The following CHGA variants were observed in gnomAD, a reference collection of about 807,000 sequenced individuals.
CHGA encodes chromogranin-A.
Under a neutral mutation model 54.4 loss-of-function variants are expected in CHGA, and 41 were observed. The ratio of observed to expected loss-of-function variants is 0.75; its 90% CI spans 0.59 to 0.98. The LOEUF (loss-of-function observed/expected upper bound fraction) is 0.98. Ranked by LOEUF, CHGA falls within the 50% of genes least tolerant of loss-of-function variation. The pLI is 0.00. For synonymous variants in CHGA, 249 were observed against 232.8 expected (o/e 1.07, Z -0.63); for missense variants, 576 against 582.3 (o/e 0.99, Z 0.11).
chr14:92,923,269 A>G lies in CHGA; in HGVS notation c.-91A>G. On this transcript the variant is annotated 5_prime_UTR_variant, in exon 1 of 8. Coordinates refer to ENST00000216492, the MANE Select transcript of CHGA (RefSeq NM_001275.4). ...CCCAGCCCCGCGCCGGTGCCACCGC[A>G]GCCCGACCCCGGCCGCCAGTCCAGC... 2 of 1,180,982 alleles carry G rather than the reference A, an allele frequency of 1.7e-6. No individual in the cohort carries two copies. Among genetic ancestry groups the G allele is most frequent in the Non-Finnish European group, 1.1e-6 (1 of 943,780 alleles). 73.2% of individuals were successfully genotyped at this position (1,180,982 alleles called of 1,614,324 possible).
At chr14:92,927,452 C>G (rs1886908606) in intron 3 of CHGA, 98 bp from the exon 4 acceptor site, 1 of 990,992 alleles carries the variant, frequency 1.0e-6, no homozygotes, top group African/African-American at 1.7e-5. Context: ...TTTTGAGTTT[C>G]CAGAGTAAAT....
At position 92,926,596 on chromosome 14, in the gene CHGA, T is replaced by C. The variant is rs1886890181; in HGVS notation, c.94-9T>C. On this transcript the variant is annotated splice_polypyrimidine_tract_variant and intron_variant, in intron 2 of 7. Coordinates refer to ENST00000216492, the MANE Select transcript of CHGA (RefSeq NM_001275.4). ...CCAGCCCCAACCTGCCCCTGCACTG[T>C]GTTCCCAGGTGATGAAATGCATCGT... 1 of 1,613,518 alleles carries C rather than the reference T, an allele frequency of 6.2e-7. No individual in the cohort carries two copies. Among genetic ancestry groups the C allele is most frequent in the African/African-American group, 1.3e-5 (1 of 74,910 alleles).
chr14:92,928,962 G>A (rs964491786), intron 4 of CHGA, among the ~76,000 whole-genome samples: 2 of 152,190 alleles, frequency 1.3e-5, no homozygotes, highest in African/African-American at 4.8e-5. Context: ...TAGCCAGAAG[G>A]GGACTGGAAC....
In CHGA at chr14:92,932,451, A is replaced by C. The variant is rs1887022388; in HGVS notation, c.890A>C (p.Gln297Pro). 1 of 1,561,604 alleles carries C rather than the reference A, an allele frequency of 6.4e-7. No homozygotes were observed. Among genetic ancestry groups the C allele is most frequent in the African/African-American group, 1.4e-5 (1 of 73,898 alleles). Reference protein sequence around the residue: ...EAQDPEGKGEQEHSQQKEEEE... With the variant: ...EAQDPEGKGEPEHSQQKEEEE... ...CAGGACCCCGAAGGGAAGGGAGAAC[A>C]GGAGCACTCCCAGCAGAAAGAGGAG... The change falls in exon 7 of 8, where the codon CAG becomes CCG. Residue 297 changes from glutamine (Q) to proline (P), a missense_variant. Physicochemically the swap from Gln to Pro is moderately conservative, Grantham distance 76 (BLOSUM62 -1). Transcript: ENST00000216492. This position sits in a 1 kb window ranked among gnomAD's most constrained non-coding sequence, Gnocchi z 5.3.
chr14:92,926,249 T>C (rs1057452196), intron 2 of CHGA: 16 of 259,168 alleles, frequency 6.2e-5, no homozygotes, highest in African/African-American at 3.2e-4. Flanking sequence ...TAAGACATCA[T>C]TTTAGTGCCC....
chr14:92,925,228 G>A (rs1056543491), intron 2 of CHGA, among the ~76,000 whole-genome samples: 3 of 152,166 alleles, frequency 2.0e-5, no homozygotes, highest in Non-Finnish European at 4.4e-5. Context: ...TAGGTCCTCA[G>A]TAAATGGGCA....
At chr14:92,927,760 C>A in intron 4 of CHGA, 142 bp downstream of exon 4, 1 of 705,386 alleles carries the variant, frequency 1.4e-6, no homozygotes, top group African/African-American at 1.8e-5. Flanking sequence ...TCCGCCGTGC[C>A]ACCTGGCTCA....
intron 5 of CHGA, among the ~76,000 whole-genome samples, chr14:92,930,101 G>A (rs1391387307): frequency 6.6e-6 from 1 of 152,236 alleles, no homozygotes; most frequent in African/African-American, 2.4e-5. Context: ...TCTCTGGCAT[G>A]GCAGGTGGAC....
At position 92,931,602 on chromosome 14, in the gene CHGA, G is replaced by A; in HGVS notation, c.708G>A (p.Glu236=). 1.2e-6 allele frequency: 2 copies of A among 1,613,156 alleles called. No homozygotes were observed. Among genetic ancestry groups the A allele is most frequent in the Non-Finnish European group, 8.5e-7 (1 of 1,179,714 alleles). ...KREEEEEEEE[E]AEAGEEAVPE... ...AAGAGGAGGAGGAGGAGGAGGAGGA[G>A]GCTGAGGCTGGAGAGGAGGCTGTCC... Residue 236 remains glutamate (E), a synonymous_variant, in exon 6 of 8, where the codon GAG becomes GAA. Transcript: ENST00000216492.
intron 4 of CHGA, among the ~76,000 whole-genome samples, chr14:92,928,227 G>C (rs1398395333): frequency 6.6e-6 from 1 of 152,212 alleles, no homozygotes; most frequent in Non-Finnish European, 1.5e-5. Context: ...CCAACGAAGC[G>C]AGAGTGTTTT....
At chr14:92,929,427 T>G (rs1886950622) in intron 4 of CHGA, among the ~76,000 whole-genome samples, 1 of 152,130 alleles carries the variant, frequency 6.6e-6, no homozygotes, top group Admixed American at 6.5e-5. Context: ...CTGGGATCCT[T>G]GCTCCATTTG....
Position 92,932,402 on chromosome 14 carries a change from G to T in CHGA, c.841G>T (p.Gly281Trp). The change falls in exon 7 of 8, where the codon GGG (glycine) becomes TGG (tryptophan). Residue 281 changes from glycine (G) to tryptophan (W), a missense_variant. Coordinates refer to ENST00000216492, the MANE Select transcript of CHGA (RefSeq NM_001275.4). This position sits in a 1 kb window ranked among gnomAD's most constrained non-coding sequence, Gnocchi z 5.3. ...RSEALAVDGA[G>W]KPGAEEAQDP... ...GGAGGCTCTGGCTGTGGATGGAGCT[G>T]GGAAGCCTGGGGCTGAGGAGGCTCA... The T allele has an allele frequency of 6.3e-7, 1 of 1,580,038 alleles. No homozygotes were observed.
chr14:92,930,620 TTA>T (rs1222147480), intron 5 of CHGA, among the ~76,000 whole-genome samples: 1 of 152,236 alleles, frequency 6.6e-6, no homozygotes, highest in Non-Finnish European at 1.5e-5. Context: ...ACAGGTCATC[TTA>T]CCTTTCTGCA....
chr14:92,929,870 A>G lies in CHGA; in HGVS notation c.355+55A>G, dbSNP rs1295243335. On this transcript the variant is annotated intron_variant, in intron 5 of 7. Transcript: ENST00000216492. ...GGGAAGGGAGGGTGGCAGTGGGAAC[A>G]GTGGCTATGATGGACCCAGGGTTCC... 7.7e-6 allele frequency: 11 copies of G among 1,429,888 alleles called. No individual in the cohort carries two copies. In the Admixed American group the frequency reaches 1.9e-4, roughly 24 times the overall value. The allele number at this position is 1,429,888 out of a possible 1,614,324, so 88.6% of individuals were successfully genotyped here.
Position 92,932,357 on chromosome 14 carries a change from C to T in CHGA, c.809-13C>T, listed in dbSNP as rs1272980284. On this transcript the variant is annotated splice_polypyrimidine_tract_variant and intron_variant, in intron 6 of 7. Coordinates refer to ENST00000216492, the MANE Select transcript of CHGA (RefSeq NM_001275.4). The surrounding 1 kb of genome is among the most constrained non-coding windows in gnomAD (Gnocchi z 5.3). ...CCACCCATTCTCCTGCTCTTGCCCA[C>T]CACCTGCTCCAGGTCGGTCGGAGGC... 1 of 1,567,494 alleles carries T rather than the reference C, an allele frequency of 6.4e-7. No homozygotes were observed. Among genetic ancestry groups the T allele is most frequent in the Admixed American group, 1.9e-5 (1 of 53,774 alleles).
At chr14:92,927,250 G>A (rs1019534646) in intron 3 of CHGA, among the ~76,000 whole-genome samples, 1 of 152,228 alleles carries the variant, frequency 6.6e-6, no homozygotes, top group Non-Finnish European at 1.5e-5. Flanking sequence ...GTGAACACAG[G>A]CATGGAGATG....
intron 7 of CHGA, 141 bp from the exon 8 acceptor site, chr14:92,934,660 C>A: frequency 1.5e-6 from 1 of 654,888 alleles, no homozygotes; most frequent in Admixed American, 3.1e-5. Context: ...CTCATTATCA[C>A]TGTCTCCATG....
In CHGA at chr14:92,927,590, G is replaced by A. The variant is rs1399973994; in HGVS notation, c.228G>A (p.Leu76=). 6.2e-7 allele frequency: 1 copy of A among 1,613,614 alleles called. No individual in the cohort carries two copies. The highest frequency in any genetic ancestry group is 1.3e-5 in the African/African-American group (1 of 74,894). Residue 76 remains leucine, a synonymous_variant, in exon 4 of 8, where the codon CTG becomes CTA. Transcript: ENST00000216492. ...CCATTCTGAGACATCAGAATTTACTGAAGGAGCTCCAAGACCTCGCTCTCC... is the reference window on the plus strand; with the variant it reads ...CCATTCTGAGACATCAGAATTTACTAAAGGAGCTCCAAGACCTCGCTCTCC... ...ILSILRHQNL[L]KELQDLALQG... is the part of the protein sequence containing the mutation.
Position 92,932,285 on chromosome 14 carries a change from A to G in CHGA, c.809-85A>G. The G allele has an allele frequency of 6.8e-7, 1 of 1,464,554 alleles. No individual in the cohort carries two copies. The highest frequency in any genetic ancestry group is 2.5e-5 in the East Asian group (1 of 40,318). 90.7% of individuals were successfully genotyped at this position (1,464,554 alleles called of 1,614,324 possible). ...TGTGGAGAGGCTGGGCTGTGGCCGC[A>G]GCAGAGGCCCCCAGGGAGTGGCAGA... On this transcript the variant is annotated intron_variant, in intron 6 of 7. Coordinates refer to ENST00000216492, the MANE Select transcript of CHGA (RefSeq NM_001275.4). This position sits in a 1 kb window ranked among gnomAD's most constrained non-coding sequence, Gnocchi z 5.3.
Sources: allele counts gnomAD v4.1 joint callset (sites outside exome capture counted in the v4.1 genomes callset), GRCh38; gene constraint gnomAD v4.1.1; non-coding constraint Gnocchi (gnomAD v3.1); transcripts MANE v1.5; gene names NCBI Gene and HGNC (gene_info 2026-07-23, HGNC 2026-07-21).